Variants in SH3BP2 observed in about 807,000 individuals in gnomAD.
The protein encoded by SH3BP2 is SH3 domain-binding protein 2.
In SH3BP2, 38 loss-of-function variants were observed where a neutral mutation model predicts 56.2. That is an observed-to-expected ratio of 0.68 (90% CI 0.52 to 0.89). SH3BP2 has a LOEUF of 0.89. Ranked by LOEUF, SH3BP2 falls within the 40% of genes least tolerant of loss-of-function variation. SH3BP2 has a pLI of 0.00. For missense variants in SH3BP2, 748 were observed against 762.6 expected (o/e 0.98, Z 0.23); for synonymous variants, 346 against 316.7 (o/e 1.09, Z -0.98).
chr4:2,823,123 T>C (rs1724400257), intron 3 of SH3BP2, 86 bp downstream of exon 3: 2 of 940,108 alleles, frequency 2.1e-6, no homozygotes, highest in Middle Eastern at 2.2e-4. Flanking sequence ...CTGCCCCTTA[T>C]TCCCGCCCAA....
intron 1 of SH3BP2, chr4:2,796,507 A>T (rs568691632): frequency 1.0e-6 from 1 of 960,458 alleles, no homozygotes; most frequent in Non-Finnish European, 1.2e-6. Context: ...TTCCGGTCAC[A>T]TCTGGTCCAT....
At chr4:2,825,019 T>A in intron 4 of SH3BP2, 107 bp from the exon 5 acceptor site, 1 of 1,120,740 alleles carries the variant, frequency 8.9e-7, no homozygotes, top group Non-Finnish European at 1.3e-6. Flanking sequence ...GGTCGCCTCC[T>A]CTGACCTTGG....
chr4:2,795,472 C>G (rs1025152195), intron 1 of SH3BP2, among the ~76,000 whole-genome samples: 2 of 152,228 alleles, frequency 1.3e-5, no homozygotes, highest in Non-Finnish European at 2.9e-5. Context: ...CGTGAGCCCC[C>G]ACGCCTGGCA....
chr4:2,833,489 A>T lies in SH3BP2; in HGVS notation c.1549-208A>T, dbSNP rs75083757. 4.9e-3 allele frequency: 3,249 copies of T among 658,890 alleles called. 86 individuals are homozygous for T. In the African/African-American group the frequency reaches 0.05, roughly 10 times the overall value. The allele number at this position is 658,890 out of a possible 1,614,324, so 40.8% of individuals were successfully genotyped here. A position where few individuals can be genotyped will look rare whatever the true frequency, so the allele number is the denominator to read the frequency against. On this transcript the variant is annotated intron_variant, in intron 12 of 12. Transcript: ENST00000503393. ...AAGTGCTCTGGGTGCAGGCTCCTGG[A>T]CATGGAGGACGGAGGGGAAGTGAGG...
intron 5 of SH3BP2, 21 bp downstream of exon 5, chr4:2,825,217 T>C (rs1356282663): frequency 6.4e-7 from 1 of 1,557,576 alleles, no homozygotes; most frequent in East Asian, 2.4e-5. Context: ...GCCCAGGGCA[T>C]ACCGGGCAGT....
At chr4:2,821,542 G>A (rs1577355943) in intron 2 of SH3BP2, among the ~76,000 whole-genome samples, 3 of 152,254 alleles carry the variant, frequency 2.0e-5, no homozygotes, top group Non-Finnish European at 4.4e-5. Flanking sequence ...CAAACTCTCC[G>A]GGCTCCTGAG....
intron 1 of SH3BP2, chr4:2,796,662 T>C (rs893238892): frequency 6.5e-6 from 1 of 154,998 alleles, no homozygotes; most frequent in African/African-American, 2.4e-5. Flanking sequence ...TTCCAAGAAG[T>C]GCCCTCTGCT....
rs1724534045 is a variant in SH3BP2 at position 2,825,175 on chromosome 4, A to C, written c.407A>C (p.Lys136Thr). The C allele has an allele frequency of 6.3e-7, 1 of 1,583,754 alleles. No individual in the cohort carries two copies. Among genetic ancestry groups the C allele is most frequent in the Non-Finnish European group, 8.6e-7 (1 of 1,164,960 alleles). The change falls in exon 5 of 13, where the codon AAA becomes ACA. Residue 136 changes from lysine (K) to threonine (T), a missense_variant. Around this residue, in one of 3 missense-constraint regions of SH3BP2, gnomAD observed 635 missense variants for 615.0 expected, o/e 1.03. Coordinates refer to ENST00000503393, the MANE Select transcript of SH3BP2 (RefSeq NM_001122681.2). ...RREIGHFHEK[K>T]DLPLDTSDSS... The stretch of plus-strand genomic sequence containing the variant: ...GAGATTGGCCACTTCCACGAAAAGA[A>C]AGACCTGCCCTTGGACACCAGGTGA...
In SH3BP2 at chr4:2,836,550, C is replaced by T. The variant is rs1287871314; in HGVS notation, c.*2716C>T. ...CTAACTGGCATGTGACCCTATCTAT[C>T]CTTCACTGCTCTGAGCCTAGACCCT... On this transcript the variant is annotated 3_prime_UTR_variant, in exon 13 of 13. Coordinates refer to ENST00000503393, the MANE Select transcript of SH3BP2 (RefSeq NM_001122681.2). 6.6e-6 allele frequency: 1 copy of T among 152,306 alleles called. No homozygotes were observed. The highest frequency in any genetic ancestry group is 1.5e-5 in the Non-Finnish European group (1 of 68,088). The allele number at this position is 152,306 out of a possible 1,614,324, so 9.4% of individuals were successfully genotyped here.
chr4:2,805,217 G>T (rs569440914), intron 1 of SH3BP2, among the ~76,000 whole-genome samples: 1 of 152,232 alleles, frequency 6.6e-6, no homozygotes. Context: ...GGCCCGGAGG[G>T]TCAGCAGCCA....
At chr4:2,804,620 TC>T (rs1723453275) in intron 1 of SH3BP2, among the ~76,000 whole-genome samples, 2 of 152,136 alleles carry the variant, frequency 1.3e-5, no homozygotes, top group Non-Finnish European at 2.9e-5. Flanking sequence ...TCCCCTGGCC[TC>T]CTACCCAGAG....
At chr4:2,796,589 G>A (rs897724719) in intron 1 of SH3BP2, 1 of 405,204 alleles carries the variant, frequency 2.5e-6, no homozygotes, top group Non-Finnish European at 3.3e-6. Context: ...GATCAGAGGA[G>A]CCCTGAGGGG....
rs766753967 is a variant in SH3BP2, at chr4:2,820,641, G to T, written c.24G>T (p.Trp8Cys). Residue 8 changes from tryptophan (W) to cysteine (C), a missense_variant, in exon 2 of 13, where the codon TGG (tryptophan) becomes TGT (cysteine). This residue lies in a region of SH3BP2 where 104 missense variants were observed against 123.1 expected (regional missense o/e 0.84). Transcript: ENST00000503393. ...TCATGGCGGCTGAAGAGATGCATTG[G>T]CCTGTCCCTATGAAGGCCATTGGTG... MAAEEMHWPVPMKAIGAQ... is the reference protein window; with the variant it reads MAAEEMHCPVPMKAIGAQ... 6 of 1,614,160 alleles carry T rather than the reference G, an allele frequency of 3.7e-6. No individual in the cohort carries two copies. The highest frequency in any genetic ancestry group is 5.1e-6 in the Non-Finnish European group (6 of 1,180,002).
At chr4:2,804,631 GC>G (rs1723453847) in intron 1 of SH3BP2, among the ~76,000 whole-genome samples, 1 of 152,182 alleles carries the variant, frequency 6.6e-6, no homozygotes, top group Non-Finnish European at 1.5e-5. Flanking sequence ...CCTACCCAGA[GC>G]CCTGCCCCCT....
rs1428698197 is a variant in SH3BP2 at position 2,823,043 on chromosome 4, T to C, written c.239+6T>C. ...TCCCTGAGTGGCTATAACCGGTAAGTGCCCGACCTGCCTGCTGACCTCGGG... is the reference window on the plus strand; with the variant it reads ...TCCCTGAGTGGCTATAACCGGTAAGCGCCCGACCTGCCTGCTGACCTCGGG... On this transcript the variant is annotated splice_donor_region_variant and intron_variant, in intron 3 of 12. Transcript: ENST00000503393. 6.2e-7 allele frequency: 1 copy of C among 1,602,886 alleles called. No homozygotes were observed. Among genetic ancestry groups the C allele is most frequent in the South Asian group, 1.1e-5 (1 of 90,574 alleles).
chr4:2,819,483 A>G, intron 1 of SH3BP2, among the ~76,000 whole-genome samples: 1 of 152,174 alleles, frequency 6.6e-6, no homozygotes, highest in Non-Finnish European at 1.5e-5. Flanking sequence ...CTGTAGTGGA[A>G]CCAGTCCCAG....
chr4:2,820,439 C>G (rs1724238199), intron 1 of SH3BP2, among the ~76,000 whole-genome samples, 175 bp from the exon 2 acceptor site: 2 of 152,174 alleles, frequency 1.3e-5, no homozygotes, highest in South Asian at 4.1e-4. Flanking sequence ...GGCTCTGTCT[C>G]TCCCTGGGGT....
chr4:2,801,650 A>C (rs1723285021), intron 1 of SH3BP2, among the ~76,000 whole-genome samples: 1 of 152,186 alleles, frequency 6.6e-6, no homozygotes, highest in Admixed American at 6.5e-5. Flanking sequence ...GGAGGAAGCC[A>C]GCGCAAGGAC....
At chr4:2,833,186 C>T in intron 12 of SH3BP2, 137 bp downstream of exon 12, 1 of 754,236 alleles carries the variant, frequency 1.3e-6, no homozygotes, top group Non-Finnish European at 2.3e-6. Flanking sequence ...CCTTCCCCTC[C>T]ACCATCGCTC....
Sources: allele counts gnomAD v4.1 joint callset (sites outside exome capture counted in the v4.1 genomes callset), GRCh38; gene constraint gnomAD v4.1.1; regional missense constraint gnomAD v4.1.1; transcripts MANE v1.5; gene names NCBI Gene and HGNC (gene_info 2026-07-23, HGNC 2026-07-21).